Variants in MFGE8 observed in about 807,000 individuals in gnomAD.
MFGE8 encodes lactadherin.
A neutral mutation model predicts 42.6 loss-of-function variants in MFGE8; 34 were observed. The ratio of observed to expected loss-of-function variants is 0.80; its 90% confidence interval spans 0.61 to 1.06. The LOEUF (loss-of-function observed/expected upper bound fraction) is 1.06, where lower values mean the gene tolerates loss of function less well. Among genes scored for constraint, MFGE8 ranks in the 50% least tolerant of loss-of-function variants. MFGE8 has a pLI of 0.00. For missense variants in MFGE8, 510 were observed against 516.9 expected (o/e 0.99, Z 0.13); for synonymous variants, 230 against 214.8 (o/e 1.07, Z -0.62).
intron 1 of MFGE8, chr15:88,910,225 A>G: frequency 2.6e-6 from 1 of 379,550 alleles, no homozygotes; most frequent in South Asian, 2.1e-5. Flanking sequence ...CACTGGTGGA[A>G]GAGCTGGCAG....
intron 6 of MFGE8, among the ~76,000 whole-genome samples, chr15:88,901,294 C>T (rs1289867365): frequency 3.5e-5 from 5 of 142,520 alleles, no homozygotes; most frequent in Non-Finnish European, 7.8e-5. Flanking sequence ...CATTCACACA[C>T]ATTCACACAC....
Position 88,905,804 on chromosome 15 carries a change from T to G in MFGE8, c.638A>C (p.His213Pro). The stretch of plus-strand genomic sequence containing the variant: ...CTCAAAGCGCAGAGTGCAGGCCGTG[T>G]GGCAGCTCGTGGGGTACAATCTCAC... ...QYVRLYPTSCHTACTLRFELL... is the reference protein window; with the variant it reads ...QYVRLYPTSCPTACTLRFELL... Residue 213 changes from histidine to proline, a missense_variant, in exon 5 of 8, where the codon CAC (histidine) becomes CCC (proline). By Grantham distance (77) the His-to-Pro change is moderately conservative. Transcript: ENST00000268150. This position sits in a 1 kb window ranked among gnomAD's most constrained non-coding sequence, Gnocchi z 6.6. 6.2e-7 allele frequency: 1 copy of G among 1,614,200 alleles called. No individual in the cohort carries two copies. The highest frequency in any genetic ancestry group is 2.2e-5 in the East Asian group (1 of 44,872).
rs949354840 is a variant in MFGE8 at position 88,901,583 on chromosome 15, C to A, written c.838G>T (p.Ala280Ser). Reference protein sequence around the residue: ...DKQGNFNAWVAGSYGNDQWLQ... With the variant: ...DKQGNFNAWVSGSYGNDQWLQ... Reference sequence around the variant, plus strand: ...CACTGATCGTTACCGTAGCTCCCCGCAACCCAGGCGTTGAAGTTGCCCTGC... The same window carrying A: ...CACTGATCGTTACCGTAGCTCCCCGAAACCCAGGCGTTGAAGTTGCCCTGC... Residue 280 changes from alanine to serine, a missense_variant, in exon 6 of 8, where the codon GCG (alanine) becomes TCG (serine). Physicochemically the swap from Ala to Ser is moderately conservative, Grantham distance 99 (BLOSUM62 1). Transcript: ENST00000268150. 1 of 1,613,716 alleles carries A rather than the reference C, an allele frequency of 6.2e-7. No individual in the cohort carries two copies. The highest frequency in any genetic ancestry group is 8.5e-7 in the Non-Finnish European group (1 of 1,179,968).
chr15:88,900,385 T>C (rs2141690148), intron 6 of MFGE8, among the ~76,000 whole-genome samples: 1 of 152,284 alleles, frequency 6.6e-6, no homozygotes, highest in Non-Finnish European at 1.5e-5. Context: ...GCCTGAGACC[T>C]GCACTGCACT....
Position 88,905,706 on chromosome 15 carries a change from C to T in MFGE8, c.685+51G>A, listed in dbSNP as rs1335616557. On this transcript the variant is annotated intron_variant, in intron 5 of 7. Transcript: ENST00000268150. This position sits in a 1 kb window ranked among gnomAD's most constrained non-coding sequence, Gnocchi z 6.6. Reference sequence around the variant, plus strand: ...AGAAAAGAGGCAGCAGGGAGGGCCACCTCCTAGGATTGGCCAACAGTGCCC... The same window carrying T: ...AGAAAAGAGGCAGCAGGGAGGGCCATCTCCTAGGATTGGCCAACAGTGCCC... 1.2e-6 allele frequency: 2 copies of T among 1,611,308 alleles called. No individual in the cohort carries two copies. The highest frequency in any genetic ancestry group is 4.5e-5 in the East Asian group (2 of 44,844).
chr15:88,907,015 T>C (rs1337340942), intron 3 of MFGE8, among the ~76,000 whole-genome samples, 180 bp downstream of exon 3: 1 of 152,178 alleles, frequency 6.6e-6, no homozygotes, highest in African/African-American at 2.4e-5. Flanking sequence ...CCCCCTCACC[T>C]TGACCCCATA....
chr15:88,912,361 T>C, intron 1 of MFGE8: 2 of 985,148 alleles, frequency 2.0e-6, no homozygotes, highest in South Asian at 4.7e-5. Flanking sequence ...TGGAGCACTC[T>C]GGAAGCTCTA....
intron 2 of MFGE8, among the ~76,000 whole-genome samples, chr15:88,908,198 C>T (rs1055891291): frequency 6.6e-6 from 1 of 152,178 alleles, no homozygotes; most frequent in African/African-American, 2.4e-5. Flanking sequence ...GGGATCCCCC[C>T]AGCGTGTGCC....
chr15:88,908,460 A>G (rs1026416369), intron 2 of MFGE8, among the ~76,000 whole-genome samples: 1 of 152,162 alleles, frequency 6.6e-6, no homozygotes, highest in Non-Finnish European at 1.5e-5. Flanking sequence ...TTGGGCCCGC[A>G]GGGTCCTTGT....
chr15:88,900,530 G>T (rs1898312814), intron 6 of MFGE8, among the ~76,000 whole-genome samples: 1 of 152,172 alleles, frequency 6.6e-6, no homozygotes, highest in Non-Finnish European at 1.5e-5. Flanking sequence ...AGGGAACCCA[G>T]CTCCGCAGTG....
intron 2 of MFGE8, among the ~76,000 whole-genome samples, chr15:88,907,713 C>CCA (rs773926451): frequency 1.2e-4 from 18 of 151,476 alleles, no homozygotes; most frequent in African/African-American, 2.2e-4. Context: ...GAGTCCCCCC[C>CCA]GCCAGGCTGT....
chr15:88,911,767 C>T (rs1446057685), intron 1 of MFGE8, among the ~76,000 whole-genome samples: 1 of 151,992 alleles, frequency 6.6e-6, no homozygotes, highest in Non-Finnish European at 1.5e-5. Context: ...TTTGCCTCCC[C>T]CTCAGAGTCA....
intron 2 of MFGE8, 116 bp from the exon 3 acceptor site, chr15:88,907,492 G>A: frequency 2.2e-6 from 2 of 924,866 alleles, no homozygotes; most frequent in East Asian, 2.5e-5. Context: ...CCAGGGCCAG[G>A]GAGAACCTCA....
intron 6 of MFGE8, among the ~76,000 whole-genome samples, chr15:88,900,944 T>C (rs985395855): frequency 8.5e-6 from 1 of 117,904 alleles, no homozygotes; most frequent in South Asian, 2.6e-4. Context: ...ATGGAATGGC[T>C]CTCCCCTTGT....
In MFGE8 at chr15:88,899,775, T is replaced by C; in HGVS notation, c.907A>G (p.Ile303Val). The C allele has an allele frequency of 6.2e-7, 1 of 1,614,086 alleles. No individual in the cohort carries two copies. The highest frequency in any genetic ancestry group is 1.1e-5 in the South Asian group (1 of 91,078). Reference protein sequence around the residue: ...LGSSKEVTGIITQGARNFGSV... With the variant: ...LGSSKEVTGIVTQGARNFGSV... Reference sequence around the variant, plus strand: ...CCAAAGTTACGGGCCCCCTGGGTGATGATGCCTGTCACCTCCTTCGAGGAG... The same window carrying C: ...CCAAAGTTACGGGCCCCCTGGGTGACGATGCCTGTCACCTCCTTCGAGGAG... The change falls in exon 7 of 8, where the codon ATC becomes GTC. Residue 303 changes from isoleucine to valine, a missense_variant. Coordinates refer to ENST00000268150, the MANE Select transcript of MFGE8 (RefSeq NM_005928.4). This position sits in a 1 kb window ranked among gnomAD's most constrained non-coding sequence, Gnocchi z 6.8.
rs1470112370 is a variant in MFGE8 at position 88,905,509 on chromosome 15, T to C, written c.685+248A>G. ...AGCCAACCAGAAGAAGGGAAAATAC[T>C]TTGAAAACTGATGTCTTTTTCTCTA... On this transcript the variant is annotated intron_variant, in intron 5 of 7. Coordinates refer to ENST00000268150, the MANE Select transcript of MFGE8 (RefSeq NM_005928.4). This position sits in a 1 kb window ranked among gnomAD's most constrained non-coding sequence, Gnocchi z 6.6. The C allele has an allele frequency of 1.5e-6, 1 of 672,602 alleles. No homozygotes were observed. The highest frequency in any genetic ancestry group is 2.0e-5 in the Admixed American group (1 of 48,976). The allele number at this position is 672,602 out of a possible 1,614,324, so 41.7% of individuals were successfully genotyped here. A position where few individuals can be genotyped will look rare whatever the true frequency, so the allele number is the denominator to read the frequency against.
chr15:88,901,007 A>ACACACACACACT (rs1898341218), intron 6 of MFGE8, among the ~76,000 whole-genome samples: 6 of 145,752 alleles, frequency 4.1e-5, no homozygotes, highest in Non-Finnish European at 7.6e-5. Context: ...ACACATTCAC[A>ACACACACACACT]CACACACACA....
In MFGE8 at chr15:88,908,686, C is replaced by T. The variant is rs1393436094; in HGVS notation, c.205+1106G>A. Among the ~76,000 whole-genome samples, 5 of 152,324 alleles carry T rather than the reference C, an allele frequency of 3.3e-5. No individual in the cohort carries two copies. In the East Asian group the frequency reaches 9.7e-4, roughly 29 times the overall value. ...CAGCTCCCAGGATACTTGTTAGTGGCTCCACCTGGCCCTACCCAGGGCTCT... is the reference window on the plus strand; with the variant it reads ...CAGCTCCCAGGATACTTGTTAGTGGTTCCACCTGGCCCTACCCAGGGCTCT... On this transcript the variant is annotated intron_variant, in intron 2 of 7. Coordinates refer to ENST00000268150, the MANE Select transcript of MFGE8 (RefSeq NM_005928.4).
In MFGE8 at chr15:88,913,348, C is replaced by A; in HGVS notation, c.-29G>T. ...GCGGGGACGCGGGCGCTGGAATGGG[C>A]ACGCTGGGCTGCTCAGACCCCGCGG... On this transcript the variant is annotated 5_prime_UTR_variant, in exon 1 of 8. Transcript: ENST00000268150. 7.1e-7 allele frequency: 1 copy of A among 1,411,918 alleles called. No individual in the cohort carries two copies. Among genetic ancestry groups the A allele is most frequent in the Non-Finnish European group, 9.2e-7 (1 of 1,092,330 alleles). 87.5% of individuals were successfully genotyped at this position (1,411,918 alleles called of 1,614,324 possible).
Sources: gnomAD v4.1 joint callset for allele counts (sites outside exome capture counted in the v4.1 genomes callset) on GRCh38, gnomAD v4.1.1 for gene constraint, Gnocchi (gnomAD v3.1) non-coding constraint, MANE v1.5 for transcripts, NCBI Gene and HGNC (gene_info 2026-07-23, HGNC 2026-07-21) for gene names.